The following HIVEP1 variants were observed in gnomAD, a reference collection of about 807,000 sequenced individuals.
The protein encoded by HIVEP1 is zinc finger protein 40.
A neutral mutation model predicts 180.0 loss-of-function variants in HIVEP1; 36 were observed. The observed-to-expected ratio is 0.20, with a 90% confidence interval of 0.15 to 0.26. The LOEUF is 0.26. HIVEP1 is among the 10% of genes least tolerant of loss of function. The probability of loss-of-function intolerance (pLI) is 1.00; values close to 1 mark genes in which losing one functional copy is unlikely to be tolerated. For missense variants in HIVEP1, 3,143 were observed against 3,268.7 expected (o/e 0.96, Z 0.94); for synonymous variants, 1,239 against 1,239.0 (o/e 1.00, Z 0.00).
At chr6:12,077,781 T>G (rs1179448917) in intron 2 of HIVEP1, among the ~76,000 whole-genome samples, 1 of 152,250 alleles carries the variant, frequency 6.6e-6, no homozygotes, top group Non-Finnish European at 1.5e-5. Context: ...TCTCATCTTC[T>G]GTGCCTCTCA....
chr6:12,027,433 G>T (rs985547699), intron 2 of HIVEP1, among the ~76,000 whole-genome samples: 1 of 152,174 alleles, frequency 6.6e-6, no homozygotes, highest in Non-Finnish European at 1.5e-5. Context: ...TTTAGTTCTT[G>T]ATTTTCTGAT....
rs1344917706 is a variant in HIVEP1 at position 12,120,507 on chromosome 6, A to C, written c.712A>C (p.Asn238His). ...TGCACGTTCCCCTCCCAAATTAAAAAACAGTTCAATGGATGCCCCAAATCA... is the reference window on the plus strand; with the variant it reads ...TGCACGTTCCCCTCCCAAATTAAAACACAGTTCAATGGATGCCCCAAATCA... ...KTARSPPKLK[N>H]SSMDAPNQTS... Residue 238 changes from asparagine to histidine, a missense_variant, in exon 4 of 9, where the codon AAC becomes CAC. By Grantham distance (68) the Asn-to-His change is moderately conservative. This residue lies in a region of HIVEP1 where 306 missense variants were observed against 310.6 expected (regional missense o/e 0.99). Coordinates refer to ENST00000379388, the MANE Select transcript of HIVEP1 (RefSeq NM_002114.4). 1 of 1,614,222 alleles carries C rather than the reference A, an allele frequency of 6.2e-7. No individual in the cohort carries two copies. Among genetic ancestry groups the C allele is most frequent in the South Asian group, 1.1e-5 (1 of 91,088 alleles).
intron 2 of HIVEP1, among the ~76,000 whole-genome samples, chr6:12,021,493 C>T (rs550026466): frequency 3.0e-4 from 45 of 152,196 alleles, no homozygotes; most frequent in Non-Finnish European, 4.3e-4. Flanking sequence ...ATATCCTCCT[C>T]CCCTCCACAG....
intron 2 of HIVEP1, among the ~76,000 whole-genome samples, chr6:12,017,215 G>A (rs1767835854): frequency 1.3e-5 from 2 of 151,466 alleles, no homozygotes; most frequent in Admixed American, 1.3e-4. Flanking sequence ...CTCAGCACAT[G>A]TTTGTTACTG....
chr6:12,016,093 CAAGAT>C (rs569686063), intron 2 of HIVEP1, among the ~76,000 whole-genome samples: 41 of 152,088 alleles, frequency 2.7e-4, no homozygotes, highest in Admixed American at 2.0e-3. Flanking sequence ...GTTAGATTAA[CAAGAT>C]AAGAAGTGAA....
intron 4 of HIVEP1, 42 bp from the exon 5 acceptor site, chr6:12,129,717 T>G: frequency 6.7e-7 from 1 of 1,503,392 alleles, no homozygotes. Flanking sequence ...ATGCTTGTGT[T>G]TTCAGTTTTA....
At chr6:12,110,576 C>G (rs921934466) in intron 3 of HIVEP1, among the ~76,000 whole-genome samples, 12 of 152,256 alleles carry the variant, frequency 7.9e-5, no homozygotes, top group Admixed American at 2.6e-4. Context: ...AGCTTCCTCA[C>G]TTGTTTCAGC....
the HIVEP1 span, among the ~76,000 whole-genome samples, chr6:12,170,112 C>T: frequency 2.0e-5 from 3 of 149,534 alleles, no homozygotes; most frequent in South Asian, 6.3e-4. Flanking sequence ...CAGAGTGAGA[C>T]TCTATCTCAA....
the HIVEP1 span, among the ~76,000 whole-genome samples, chr6:12,191,473 A>G: frequency 1.3e-5 from 2 of 152,186 alleles, no homozygotes; most frequent in Non-Finnish European, 2.9e-5. Flanking sequence ...GTGTGCCTGT[A>G]GTCCCAACTA....
At chr6:12,154,501 T>A (rs2113662743) in intron 7 of HIVEP1, among the ~76,000 whole-genome samples, 1 of 152,334 alleles carries the variant, frequency 6.6e-6, no homozygotes, top group Middle Eastern at 3.4e-3. Flanking sequence ...TCACCTCACA[T>A]CCTAGTTGAT....
chr6:12,091,776 C>T (rs1295862724), intron 3 of HIVEP1, among the ~76,000 whole-genome samples: 2 of 152,080 alleles, frequency 1.3e-5, no homozygotes, highest in African/African-American at 2.4e-5. Flanking sequence ...AAGGATGCAA[C>T]ATTCACACAA....
At chr6:12,193,113 T>C in the HIVEP1 span, among the ~76,000 whole-genome samples, 1 of 152,242 alleles carries the variant, frequency 6.6e-6, no homozygotes, top group Non-Finnish European at 1.5e-5. Context: ...CCACAGCAGC[T>C]GGCCTATGTA....
chr6:12,040,242 A>G (rs1006092639), intron 2 of HIVEP1, among the ~76,000 whole-genome samples: 1 of 152,152 alleles, frequency 6.6e-6, no homozygotes, highest in Non-Finnish European at 1.5e-5. Flanking sequence ...ACTGTGTTCG[A>G]ATCTTTGCTT....
At chr6:12,072,196 A>C (rs1008381243) in intron 2 of HIVEP1, among the ~76,000 whole-genome samples, 1 of 151,792 alleles carries the variant, frequency 6.6e-6, no homozygotes, top group Middle Eastern at 3.4e-3. Flanking sequence ...GCTTATTTCC[A>C]TCTGTTGTCA....
the HIVEP1 span, among the ~76,000 whole-genome samples, chr6:12,184,697 G>C: frequency 5.3e-5 from 8 of 152,130 alleles, no homozygotes; most frequent in African/African-American, 1.9e-4. Context: ...TTTCTCTGAA[G>C]CAGTTAGAAT....
At chr6:12,126,380 G>C (rs895235595) in intron 4 of HIVEP1, among the ~76,000 whole-genome samples, 1 of 152,200 alleles carries the variant, frequency 6.6e-6, no homozygotes, top group Non-Finnish European at 1.5e-5. Context: ...CTGTCTTCCA[G>C]TGTAGCTGTG....
chr6:12,101,148 G>T (rs1322223805), intron 3 of HIVEP1, among the ~76,000 whole-genome samples: 1 of 152,104 alleles, frequency 6.6e-6, no homozygotes, highest in Non-Finnish European at 1.5e-5. Context: ...ATTACCTTTT[G>T]TGCTAACCCA....
intron 3 of HIVEP1, among the ~76,000 whole-genome samples, chr6:12,112,912 C>T (rs961135801): frequency 1.3e-5 from 2 of 152,230 alleles, no homozygotes; most frequent in East Asian, 3.9e-4. Flanking sequence ...CTCCTCTGTT[C>T]TTCTCCCGGC....
At chr6:12,194,473 T>G in the HIVEP1 span, among the ~76,000 whole-genome samples, 1 of 152,148 alleles carries the variant, frequency 6.6e-6, no homozygotes, top group Non-Finnish European at 1.5e-5. Flanking sequence ...CTCAGATATT[T>G]ATTCATAAAT....
Sources: allele counts gnomAD v4.1 joint callset (sites outside exome capture counted in the v4.1 genomes callset), GRCh38; gene constraint gnomAD v4.1.1; regional missense constraint gnomAD v4.1.1; transcripts MANE v1.5; gene names NCBI Gene and HGNC (gene_info 2026-07-23, HGNC 2026-07-21).